Variants in MTA2 observed in about 807,000 individuals in gnomAD.
The protein encoded by MTA2 is metastasis associated 1 family member 2, also known as metastasis-associated protein MTA2.
A neutral mutation model predicts 87.1 loss-of-function variants in MTA2; 22 were observed. The observed-to-expected ratio is 0.25, with a 90% CI of 0.18 to 0.36. The LOEUF is 0.36. Ranked by LOEUF, MTA2 falls within the 10% of genes least tolerant of loss-of-function variation. The pLI is 1.00. For missense variants in MTA2, 542 were observed against 853.2 expected (o/e 0.64, Z 4.54); for synonymous variants, 314 against 310.1 (o/e 1.01, Z -0.13).
In MTA2 at chr11:62,594,430, C is replaced by G. The variant is rs775365994; in HGVS notation, c.1693-23G>C. ...CATCTGGAAAAGGGGTAGGATGGCA[C>G]AATGAGGGAAGGGACCCTCTCAGAC... On this transcript the variant is annotated intron_variant, in intron 16 of 17. Transcript: ENST00000278823. 7 of 1,614,016 alleles carry G rather than the reference C, an allele frequency of 4.3e-6. No individual in the cohort carries two copies. In the South Asian group the frequency reaches 7.7e-5, roughly 18 times the overall value.
intron 2 of MTA2, 27 bp from the exon 3 acceptor site, chr11:62,600,286 A>G (rs1451595996): frequency 6.3e-7 from 1 of 1,592,296 alleles, no homozygotes. Flanking sequence ...AACAAAAACA[A>G]AACAACGTAG....
At position 62,595,517 on chromosome 11, in the gene MTA2, A is replaced by G. The variant is rs1440461269; in HGVS notation, c.1255-25T>C. On this transcript the variant is annotated intron_variant, in intron 13 of 17. Coordinates refer to ENST00000278823, the MANE Select transcript of MTA2 (RefSeq NM_004739.4). This position sits in a 1 kb window ranked among gnomAD's most constrained non-coding sequence, Gnocchi z 4.9. The stretch of plus-strand genomic sequence containing the variant: ...CCTAGAAGAAGAGCATAGGAAAGAG[A>G]GAGAGCAGAAATCAGCACTGAGGCT... 6.2e-7 allele frequency: 1 copy of G among 1,611,988 alleles called. No homozygotes were observed. Among genetic ancestry groups the G allele is most frequent in the Admixed American group, 1.7e-5 (1 of 59,954 alleles).
At chr11:62,597,754 G>A in intron 6 of MTA2, 42 bp from the exon 7 acceptor site, 1 of 1,521,444 alleles carries the variant, frequency 6.6e-7, no homozygotes, top group Non-Finnish European at 9.1e-7. Context: ...GAGGGCAGGG[G>A]GGAACAGTTG....
chr11:62,594,412 A>G lies in MTA2; in HGVS notation c.1693-5T>C. On this transcript the variant is annotated splice_region_variant and splice_polypyrimidine_tract_variant and intron_variant, in intron 16 of 17. Coordinates refer to ENST00000278823, the MANE Select transcript of MTA2 (RefSeq NM_004739.4). ...AGGAACCCCTGCCCCTGCCATCTGG[A>G]AAAGGGGTAGGATGGCACAATGAGG... 1 of 1,614,120 alleles carries G rather than the reference A, an allele frequency of 6.2e-7. No individual in the cohort carries two copies. Among genetic ancestry groups the G allele is most frequent in the Non-Finnish European group, 8.5e-7 (1 of 1,180,014 alleles).
rs1470958679 is a variant in MTA2 at position 62,593,731 on chromosome 11, G to A, written c.*144C>T. 17 of 1,017,684 alleles carry A rather than the reference G, an allele frequency of 1.7e-5. No homozygotes were observed. The highest frequency in any genetic ancestry group is 1.1e-4 in the East Asian group (4 of 37,650). 63.0% of individuals were successfully genotyped at this position (1,017,684 alleles called of 1,614,324 possible). On this transcript the variant is annotated 3_prime_UTR_variant, in exon 18 of 18. Transcript: ENST00000278823. ...TCTCGAGGTGGTAACACCAGAGGGCGCCCAACCCCTCCAGGGACACACACT... is the reference window on the plus strand; with the variant it reads ...TCTCGAGGTGGTAACACCAGAGGGCACCCAACCCCTCCAGGGACACACACT...
At chr11:62,597,859 C>A in intron 6 of MTA2, 147 bp from the exon 7 acceptor site, 1 of 1,024,800 alleles carries the variant, frequency 9.8e-7, no homozygotes. Context: ...TCCCATTTTC[C>A]CTTTTCAGGT....
chr11:62,601,333 T>C (rs754747049), intron 1 of MTA2, 90 bp downstream of exon 1: 44 of 1,502,162 alleles, frequency 2.9e-5, no homozygotes, highest in Non-Finnish European at 4.0e-5. Flanking sequence ...CCCCATACGC[T>C]GCGCCTCGCG....
Position 62,595,230 on chromosome 11 carries a change from AC to A in MTA2, c.1483+33del. On this transcript the variant is annotated intron_variant, in intron 14 of 17. Transcript: ENST00000278823. The surrounding 1 kb of genome is among the most constrained non-coding windows in gnomAD (Gnocchi z 4.9). Reference sequence around the variant, plus strand: ...CGGTCTCTGGGCAGAGCAATCCGAAACCCACCACCAGTCCCACCACTCCCTG... The same window carrying A: ...CGGTCTCTGGGCAGAGCAATCCGAAACCACCACCAGTCCCACCACTCCCTG... 2 of 1,602,514 alleles carry A rather than the reference AC, an allele frequency of 1.2e-6. No homozygotes were observed. The highest frequency in any genetic ancestry group is 1.7e-6 in the Non-Finnish European group (2 of 1,170,234).
chr11:62,596,254 G>C, intron 11 of MTA2, 25 bp downstream of exon 11: 1 of 1,612,584 alleles, frequency 6.2e-7, no homozygotes, highest in Non-Finnish European at 8.5e-7. Flanking sequence ...AAAACACTCT[G>C]GTCTCCCCTA....
rs184056848 is a variant in MTA2, at chr11:62,594,767, G to A, written c.1574-133C>T. 3.4e-5 allele frequency: 30 copies of A among 888,196 alleles called. No homozygotes were observed. The African/African-American group carries it at 5.0e-4, about 15-fold the overall frequency. The allele number at this position is 888,196 out of a possible 1,614,324, so 55.0% of individuals were successfully genotyped here. Reference sequence around the variant, plus strand: ...TAGCAATGGGGGAATGTTCTGGCAAGCTATCACTAGTATTTCAAATATCAG... The same window carrying A: ...TAGCAATGGGGGAATGTTCTGGCAAACTATCACTAGTATTTCAAATATCAG... On this transcript the variant is annotated intron_variant, in intron 15 of 17. Coordinates refer to ENST00000278823, the MANE Select transcript of MTA2 (RefSeq NM_004739.4).
chr11:62,595,366 G>A lies in MTA2; in HGVS notation c.1381C>T (p.Leu461=). 2 of 1,614,232 alleles carry A rather than the reference G, an allele frequency of 1.2e-6. No homozygotes were observed. Among genetic ancestry groups the A allele is most frequent in the Non-Finnish European group, 1.7e-6 (2 of 1,180,034 alleles). Residue 461 remains leucine (L), a synonymous_variant, in exon 14 of 18, where the codon CTG becomes TTG. Transcript: ENST00000278823. This position sits in a 1 kb window ranked among gnomAD's most constrained non-coding sequence, Gnocchi z 4.9. ...CACATGCGTCTGGCAAGACGGGTCA[G>A]CTTTGTGGTCTGAAGCAGGAAAGTT... ...RQTFLLQTTK[L]TRLARRMCRD...
intron 1 of MTA2, 31 bp downstream of exon 1, chr11:62,601,392 C>T (rs1942196107): frequency 8.7e-6 from 14 of 1,608,654 alleles, no homozygotes; most frequent in South Asian, 1.1e-5. Flanking sequence ...TCTCCCGCCC[C>T]GGGCCCCGTA....
chr11:62,596,681 G>T lies in MTA2; in HGVS notation c.838C>A (p.Leu280Ile). 1 of 1,613,896 alleles carries T rather than the reference G, an allele frequency of 6.2e-7. No individual in the cohort carries two copies. Among genetic ancestry groups the T allele is most frequent in the South Asian group, 1.1e-5 (1 of 91,058 alleles). Reference sequence around the variant, plus strand: ...TTGAAGTCCTTCCCATACTTCTCTAGGGCCTCCTCAAATAGCATGGCCTCT... The same window carrying T: ...TTGAAGTCCTTCCCATACTTCTCTATGGCCTCCTCAAATAGCATGGCCTCT... ...ASEAMLFEEA[L>I]EKYGKDFNDI... Residue 280 changes from leucine to isoleucine, a missense_variant, in exon 9 of 18, where the codon CTA becomes ATA. Leu to Ile is a conservative substitution (Grantham distance 5, BLOSUM62 2). Around this residue, in one of 6 missense-constraint regions of MTA2, gnomAD observed 33 missense variants for 31.7 expected, o/e 1.04. Transcript: ENST00000278823.
chr11:62,596,132 GA>G (rs753581990), intron 11 of MTA2, 25 bp from the exon 12 acceptor site: 1 of 1,611,424 alleles, frequency 6.2e-7, no homozygotes, highest in Non-Finnish European at 8.5e-7. Context: ...GAGGAGAAGG[GA>G]AAAAAACAAG....
chr11:62,596,971 C>T (rs1247923062), intron 8 of MTA2, 146 bp from the exon 9 acceptor site: 19 of 748,038 alleles, frequency 2.5e-5, no homozygotes, highest in Middle Eastern at 3.9e-4. Flanking sequence ...GGGCAGATCA[C>T]GAGGTCAGGA....
chr11:62,598,112 G>T lies in MTA2; in HGVS notation c.402C>A (p.Asp134Glu), dbSNP rs375292638. Residue 134 changes from aspartate (D) to glutamate (E), a missense_variant, in exon 6 of 18, where the codon GAC becomes GAA. This residue lies in a region of MTA2 where 150 missense variants were observed against 243.9 expected (regional missense o/e 0.62). Coordinates refer to ENST00000278823, the MANE Select transcript of MTA2 (RefSeq NM_004739.4). ...CAGCGAGAAGTGTCTTCTGCACGGG[G>T]TCAAACACCAGTGAGTAAAAAAAGC... ...EDCFFYSLVF[D>E]PVQKTLLADQ... The T allele has an allele frequency of 6.2e-7, 1 of 1,614,044 alleles. No individual in the cohort carries two copies.
intron 8 of MTA2, 26 bp downstream of exon 8, chr11:62,597,290 C>G: frequency 6.4e-7 from 1 of 1,562,532 alleles, no homozygotes; most frequent in Non-Finnish European, 8.7e-7. Context: ...CCCAGCCTGC[C>G]CAACTACCCA....
At chr11:62,601,353 G>T (rs1942194141) in intron 1 of MTA2, 70 bp downstream of exon 1, 1 of 1,568,776 alleles carries the variant, frequency 6.4e-7, no homozygotes. Flanking sequence ...GCCACCCGGT[G>T]CCGAGCCCCT....
In MTA2 at chr11:62,600,703, G is replaced by A. The variant is rs1275490723; in HGVS notation, c.29-14C>T. On this transcript the variant is annotated splice_polypyrimidine_tract_variant and intron_variant, in intron 1 of 17. Transcript: ENST00000278823. The stretch of plus-strand genomic sequence containing the variant: ...AATAGACGTAATCTGTAAGGGAAGG[G>A]AGGGGGGAGAACCACGAAGATCAGA... The A allele has an allele frequency of 1.9e-6, 3 of 1,612,006 alleles. No individual in the cohort carries two copies. Among genetic ancestry groups the A allele is most frequent in the East Asian group, 2.2e-5 (1 of 44,880 alleles).
Sources: gnomAD v4.1 joint callset for allele counts on GRCh38, gnomAD v4.1.1 for gene constraint, gnomAD v4.1.1 regional missense constraint, Gnocchi (gnomAD v3.1) non-coding constraint, MANE v1.5 for transcripts, NCBI Gene and HGNC (gene_info 2026-07-23, HGNC 2026-07-21) for gene names.